CFAP210: variants seen among roughly 807,000 people sequenced by gnomAD.
CFAP210 encodes the protein cilia and flagella associated protein 210, also known as cilia- and flagella- associated protein 210.
chr2:169,664,889 A>C, the CFAP210 span, among the ~76,000 whole-genome samples: 1 of 152,208 alleles, frequency 6.6e-6, no homozygotes, highest in African/African-American at 2.4e-5. Flanking sequence ...GGGCTTATAT[A>C]GATGTTGTAT....
the CFAP210 span, among the ~76,000 whole-genome samples, chr2:169,682,005 G>C: frequency 6.6e-6 from 1 of 152,158 alleles, no homozygotes; most frequent in African/African-American, 2.4e-5. Context: ...TCTTTATTCT[G>C]CTAATCAACT....
At chr2:169,676,587 G>C in the CFAP210 span, among the ~76,000 whole-genome samples, 2 of 152,072 alleles carry the variant, frequency 1.3e-5, no homozygotes, top group Admixed American at 6.5e-5. Flanking sequence ...CCACTGATCT[G>C]TTTTCTCTCC....
chr2:169,693,381 A>G, the CFAP210 span, among the ~76,000 whole-genome samples: 3 of 152,232 alleles, frequency 2.0e-5, no homozygotes, highest in Non-Finnish European at 4.4e-5. Context: ...AAAACTGGCC[A>G]TGTTGGTACT....
chr2:169,654,221 G>A, the CFAP210 span: 7 of 1,556,068 alleles, frequency 4.5e-6, no homozygotes, highest in Non-Finnish European at 6.1e-6. Context: ...GTTCCTTGGG[G>A]GAAAAATTGT....
the CFAP210 span, among the ~76,000 whole-genome samples, chr2:169,667,135 C>CTTTTTTT: frequency 8.3e-6 from 1 of 120,284 alleles, no homozygotes. Context: ...CACAAATTTT[C>CTTTTTTT]TTTTTTCTTT....
At chr2:169,660,894 C>T in the CFAP210 span, 390 of 380,792 alleles carry the variant, frequency 1.0e-3, 1 homozygote, top group African/African-American at 6.6e-3. Flanking sequence ...TGAGCCACTA[C>T]GCCTGGCCTG....
the CFAP210 span, among the ~76,000 whole-genome samples, chr2:169,689,882 T>C: frequency 9.2e-5 from 14 of 152,252 alleles, no homozygotes; most frequent in African/African-American, 3.1e-4. Context: ...TTACACAGTG[T>C]ACTACATTAA....
At chr2:169,665,024 G>A in the CFAP210 span, among the ~76,000 whole-genome samples, 1 of 152,190 alleles carries the variant, frequency 6.6e-6, no homozygotes, top group Non-Finnish European at 1.5e-5. Flanking sequence ...CCTGGGAAGA[G>A]CTGGGCAGGC....
the CFAP210 span, among the ~76,000 whole-genome samples, chr2:169,678,695 C>A: frequency 6.6e-6 from 1 of 151,658 alleles, no homozygotes; most frequent in Non-Finnish European, 1.5e-5. Flanking sequence ...CATGATGGTG[C>A]GGGCCTGTAT....
chr2:169,674,300 C>T, the CFAP210 span, among the ~76,000 whole-genome samples: 1 of 152,192 alleles, frequency 6.6e-6, no homozygotes, highest in Non-Finnish European at 1.5e-5. Context: ...CAGCTGATTC[C>T]AGCCTAGATC....
At chr2:169,678,619 G>A in the CFAP210 span, among the ~76,000 whole-genome samples, 1 of 152,040 alleles carries the variant, frequency 6.6e-6, no homozygotes, top group African/African-American at 2.4e-5. Context: ...GAAGTCAGGA[G>A]TTAGAGACCA....
At chr2:169,691,706 A>C in the CFAP210 span, among the ~76,000 whole-genome samples, 1 of 152,146 alleles carries the variant, frequency 6.6e-6, no homozygotes, top group African/African-American at 2.4e-5. Context: ...CATCTTTCAT[A>C]ATTTTTATTA....
At chr2:169,659,873 T>A in the CFAP210 span, among the ~76,000 whole-genome samples, 1 of 152,188 alleles carries the variant, frequency 6.6e-6, no homozygotes, top group Non-Finnish European at 1.5e-5. Context: ...CATGGTTCAA[T>A]CTTGATAGGT....
chr2:169,686,201 T>C, the CFAP210 span, among the ~76,000 whole-genome samples: 10 of 152,220 alleles, frequency 6.6e-5, no homozygotes, highest in Non-Finnish European at 2.9e-5. Context: ...TGTAGCTTTG[T>C]AGTAAGTCTT....
At chr2:169,653,060 A>ATATG in the CFAP210 span, among the ~76,000 whole-genome samples, 2 of 100,486 alleles carry the variant, frequency 2.0e-5, no homozygotes, top group African/African-American at 7.7e-5. Context: ...ATATATATAT[A>ATATG]TATATATGTA....
the CFAP210 span, among the ~76,000 whole-genome samples, chr2:169,653,052 A>ATATATATATATATATG: frequency 1.0e-4 from 11 of 107,148 alleles, no homozygotes; most frequent in African/African-American, 3.9e-4. Context: ...ATATATATAT[A>ATATATATATATATATG]TATATATATA....
the CFAP210 span, among the ~76,000 whole-genome samples, chr2:169,660,107 G>T: frequency 0.27 from 40,794 of 151,632 alleles, 5,714 homozygotes; most frequent in Non-Finnish European, 0.31. Flanking sequence ...CAACTTTTCT[G>T]GCTGGGCACG....
chr2:169,676,912 G>A, the CFAP210 span, among the ~76,000 whole-genome samples: 2 of 152,318 alleles, frequency 1.3e-5, no homozygotes, highest in African/African-American at 4.8e-5. Context: ...ATGGAGGAAA[G>A]TAGGGTGGAG....
chr2:169,669,121 G>T, the CFAP210 span, among the ~76,000 whole-genome samples: 1 of 152,168 alleles, frequency 6.6e-6, no homozygotes, highest in Non-Finnish European at 1.5e-5. Flanking sequence ...TTTGACCAAA[G>T]TTGAACTCTA....
Sources: gnomAD v4.1 joint callset for allele counts (sites outside exome capture counted in the v4.1 genomes callset) on GRCh38, gnomAD v4.1.1 for gene constraint, MANE v1.5 for transcripts, NCBI Gene and HGNC (gene_info 2026-07-23, HGNC 2026-07-21) for gene names.